GRIP1: variants seen among roughly 807,000 people sequenced by gnomAD.
The protein encoded by GRIP1 is glutamate receptor interacting protein 1.
A neutral mutation model predicts 129.9 loss-of-function variants in GRIP1; 45 were observed. The observed-to-expected ratio is 0.35, with a 90% CI of 0.27 to 0.44. The LOEUF is 0.44. Ranked by LOEUF, GRIP1 falls within the 20% of genes least tolerant of loss-of-function variation. GRIP1 has a pLI of 1.00. For missense variants in GRIP1, 1,196 were observed against 1,396.8 expected, an observed-to-expected ratio of 0.86 and a Z score of 2.29; for synonymous variants, 530 against 520.8, an observed-to-expected ratio of 1.02 and a Z score of -0.24.
At chr12:66,387,741 C>A (rs1195701878) in intron 19 of GRIP1, among the ~76,000 whole-genome samples, 1 of 151,864 alleles carries the variant, frequency 6.6e-6, no homozygotes, top group Admixed American at 6.6e-5. Flanking sequence ...TTGGGCAAGG[C>A]AAGATGATGA....
At chr12:66,352,720 CA>C (rs1164207741) in intron 24 of GRIP1, among the ~76,000 whole-genome samples, 9,093 of 63,616 alleles carry the variant, frequency 0.14, 637 homozygotes, top group African/African-American at 0.33. Flanking sequence ...GACTCTGTCT[CA>C]AAAAAAAAAA....
intron 1 of GRIP1, among the ~76,000 whole-genome samples, chr12:66,933,272 A>T (rs1162506060): frequency 1.3e-5 from 2 of 152,216 alleles, no homozygotes; most frequent in Non-Finnish European, 2.9e-5. Flanking sequence ...GAGGAGCTGC[A>T]TAGAGGTTCA....
intron 24 of GRIP1, 132 bp downstream of exon 24, chr12:66,353,285 C>T: frequency 1.3e-6 from 1 of 763,470 alleles, no homozygotes; most frequent in South Asian, 1.4e-5. Context: ...TTTGCTTCTA[C>T]TGATTCCATA....
chr12:66,569,657 G>A (rs2062888934), intron 2 of GRIP1, among the ~76,000 whole-genome samples: 1 of 152,146 alleles, frequency 6.6e-6, no homozygotes, highest in South Asian at 2.1e-4. Context: ...GCCTCTCCCA[G>A]ACCCTCAGGG....
chr12:66,690,240 C>T (rs1448951820), intron 1 of GRIP1, among the ~76,000 whole-genome samples: 1 of 152,000 alleles, frequency 6.6e-6, no homozygotes, highest in African/African-American at 2.4e-5. Context: ...TTTTTAGATT[C>T]CACATATAAG....
chr12:66,733,328 G>A (rs1461872025), intron 1 of GRIP1, among the ~76,000 whole-genome samples: 5 of 151,992 alleles, frequency 3.3e-5, no homozygotes, highest in Non-Finnish European at 7.4e-5. Context: ...CAGAGTGATG[G>A]CAATATACTC....
At chr12:66,605,027 A>G (rs950622157) in intron 1 of GRIP1, among the ~76,000 whole-genome samples, 5 of 146,772 alleles carry the variant, frequency 3.4e-5, no homozygotes, top group African/African-American at 1.3e-4. Flanking sequence ...TTTTTAACTA[A>G]TGAATATGAA....
At chr12:66,934,362 C>T (rs1327714761) in intron 1 of GRIP1, among the ~76,000 whole-genome samples, 1 of 152,192 alleles carries the variant, frequency 6.6e-6, no homozygotes, top group African/African-American at 2.4e-5. Context: ...TTCCCTGACC[C>T]AGTATCTCTA....
intron 1 of GRIP1, among the ~76,000 whole-genome samples, chr12:66,751,624 T>C (rs868480465): frequency 1.3e-4 from 20 of 152,338 alleles, no homozygotes; most frequent in African/African-American, 4.6e-4. Context: ...GAGTTAGGTC[T>C]TCTTGATATT....
chr12:66,406,526 A>C, intron 15 of GRIP1, 98 bp from the exon 16 acceptor site: 1 of 1,138,408 alleles, frequency 8.8e-7, no homozygotes, highest in South Asian at 1.2e-5. Context: ...GGTAGTCTTT[A>C]GAGGAAAAGA....
At chr12:66,837,654 A>G (rs2039639154) in intron 1 of GRIP1, among the ~76,000 whole-genome samples, 1 of 152,236 alleles carries the variant, frequency 6.6e-6, no homozygotes, top group Non-Finnish European at 1.5e-5. Context: ...AGACAAATCT[A>G]TATGACTTTT....
chr12:66,840,358 T>C (rs2039692830), intron 1 of GRIP1, among the ~76,000 whole-genome samples: 1 of 152,200 alleles, frequency 6.6e-6, no homozygotes, highest in African/African-American at 2.4e-5. Flanking sequence ...TGGCTTTTAA[T>C]CACTAATACA....
At chr12:66,933,332 A>G (rs1012061415) in intron 1 of GRIP1, among the ~76,000 whole-genome samples, 1 of 152,320 alleles carries the variant, frequency 6.6e-6, no homozygotes, top group Middle Eastern at 3.4e-3. Context: ...AAAAGATGAG[A>G]TCACTTCTGC....
intron 1 of GRIP1, among the ~76,000 whole-genome samples, chr12:66,886,837 T>C (rs1161094358): frequency 2.6e-5 from 4 of 152,238 alleles, no homozygotes; most frequent in Non-Finnish European, 1.5e-5. Flanking sequence ...TGATGGCAGA[T>C]ACTGATATTA....
intron 1 of GRIP1, among the ~76,000 whole-genome samples, chr12:66,738,989 G>A (rs2036702001): frequency 6.6e-6 from 1 of 152,050 alleles, no homozygotes; most frequent in African/African-American, 2.4e-5. Flanking sequence ...TTTGATCCTT[G>A]ACTTGGAGAG....
chr12:66,396,140 A>C (rs1418886668), intron 16 of GRIP1, among the ~76,000 whole-genome samples: 1 of 152,194 alleles, frequency 6.6e-6, no homozygotes, highest in African/African-American at 2.4e-5. Context: ...TTACTGCTGG[A>C]CACTCTGTGT....
chr12:66,930,464 C>T (rs1592358110), intron 1 of GRIP1, among the ~76,000 whole-genome samples: 2 of 150,912 alleles, frequency 1.3e-5, no homozygotes, highest in South Asian at 4.2e-4. Flanking sequence ...GCATAGTATT[C>T]CATGGTGTAT....
intron 7 of GRIP1, among the ~76,000 whole-genome samples, chr12:66,476,967 C>A (rs1182947835): frequency 2.0e-5 from 3 of 152,158 alleles, no homozygotes; most frequent in African/African-American, 7.2e-5. Flanking sequence ...AAAACCGGCA[C>A]AAGACAGGGA....
intron 22 of GRIP1, among the ~76,000 whole-genome samples, chr12:66,375,718 T>TA (rs1406898492): frequency 6.6e-6 from 1 of 152,238 alleles, no homozygotes; most frequent in African/African-American, 2.4e-5. Context: ...CATCTACTCT[T>TA]ACTGATGGAT....
Sources: allele counts gnomAD v4.1 joint callset (sites outside exome capture counted in the v4.1 genomes callset), GRCh38; gene constraint gnomAD v4.1.1; transcripts MANE v1.5; gene names NCBI Gene and HGNC (gene_info 2026-07-23, HGNC 2026-07-21).